Variants in FER observed in about 807,000 individuals in gnomAD.
FER encodes tyrosine-protein kinase Fer.
FER carries 63 observed loss-of-function variants against 111.0 expected under a neutral mutation model. The observed-to-expected ratio is 0.57, with a 90% confidence interval of 0.46 to 0.70. FER has a LOEUF of 0.70. Ranked by LOEUF, FER falls within the 30% of genes least tolerant of loss-of-function variation. The pLI is 0.00. For missense variants in FER, 914 were observed against 954.0 expected (o/e 0.96, Z 0.55); for synonymous variants, 327 against 313.9 (o/e 1.04, Z -0.44).
chr5:109,035,429 G>C (rs1770241921), intron 13 of FER, among the ~76,000 whole-genome samples: 1 of 152,154 alleles, frequency 6.6e-6, no homozygotes, highest in Non-Finnish European at 1.5e-5. Context: ...TATTAACTCA[G>C]CAAAGTGATT....
rs554405414 is a variant in FER at position 109,081,696 on chromosome 5, A to G, written c.1925-18700A>G. On this transcript the variant is annotated intron_variant, in intron 16 of 19. Transcript: ENST00000281092. ...TAGCACAGACATTTCAGCAACAGGAAAATACAAATAAAAGAGAAATGTAAG... is the reference window on the plus strand; with the variant it reads ...TAGCACAGACATTTCAGCAACAGGAGAATACAAATAAAAGAGAAATGTAAG... Among the ~76,000 whole-genome samples, 154 of 152,140 alleles carry G rather than the reference A, an allele frequency of 1.0e-3. 1 individual carries two copies. The highest frequency in any genetic ancestry group is 3.4e-3 in the African/African-American group (143 of 41,544).
At chr5:108,765,560 C>T (rs1752228529) in intron 1 of FER, among the ~76,000 whole-genome samples, 1 of 152,108 alleles carries the variant, frequency 6.6e-6, no homozygotes, top group African/African-American at 2.4e-5. Context: ...GCTAGGACTA[C>T]AGTGGGCTAG....
chr5:108,786,958 TG>T, intron 2 of FER, among the ~76,000 whole-genome samples: 1 of 152,304 alleles, frequency 6.6e-6, no homozygotes, highest in East Asian at 1.9e-4. Flanking sequence ...GCAGCTGCTG[TG>T]GAGACGCCAG....
chr5:108,930,907 C>T (rs1754577505), intron 10 of FER, among the ~76,000 whole-genome samples: 1 of 151,968 alleles, frequency 6.6e-6, no homozygotes. Context: ...AGCCAACGCC[C>T]CTGGCCCAAC....
intron 10 of FER, among the ~76,000 whole-genome samples, chr5:108,912,127 C>T (rs958591154): frequency 6.6e-6 from 1 of 152,174 alleles, no homozygotes; most frequent in African/African-American, 2.4e-5. Flanking sequence ...GAGGCCTCCT[C>T]AGCCACTTGG....
intron 5 of FER, among the ~76,000 whole-genome samples, chr5:108,859,968 G>A (rs1763355656): frequency 8.0e-6 from 1 of 125,328 alleles, no homozygotes; most frequent in South Asian, 2.7e-4. Context: ...TTGAGATGGA[G>A]TCTCTCTCTG....
intron 17 of FER, among the ~76,000 whole-genome samples, chr5:109,172,254 A>T (rs1223726702): frequency 6.6e-6 from 1 of 151,900 alleles, no homozygotes; most frequent in African/African-American, 2.4e-5. Flanking sequence ...ACAATGATAG[A>T]CTGGATTAAG....
At chr5:109,005,814 G>C (rs913069620) in intron 13 of FER, among the ~76,000 whole-genome samples, 1 of 152,108 alleles carries the variant, frequency 6.6e-6, no homozygotes, top group African/African-American at 2.4e-5. Context: ...CTCTTGTACA[G>C]TGCTTCACAC....
intron 17 of FER, among the ~76,000 whole-genome samples, chr5:109,152,076 G>T (rs1426982038): frequency 6.6e-6 from 1 of 151,918 alleles, no homozygotes; most frequent in Non-Finnish European, 1.5e-5. Flanking sequence ...TTTAATTCCA[G>T]GAAAAATTTG....
At chr5:108,771,511 A>G (rs999136562) in intron 2 of FER, among the ~76,000 whole-genome samples, 2 of 152,130 alleles carry the variant, frequency 1.3e-5, no homozygotes, top group Admixed American at 6.6e-5. Context: ...GCCCAAGATC[A>G]TGTAGCTGGC....
In FER at chr5:108,772,316, G is replaced by GTATATATATATATATATACACATATA. The variant is rs1381336042; in HGVS notation, c.-60+4081_-60+4082insATATATATATATATACACATATATAT. Among the ~76,000 whole-genome samples, 15 of 140,444 alleles carry GTATATATATATATATATACACATATA rather than the reference G, an allele frequency of 1.1e-4. 1 individual carries two copies. In the South Asian group the frequency reaches 2.9e-3, roughly 27 times the overall value. 92.1% of individuals were successfully genotyped at this position (140,444 alleles called of 152,430 possible). A position where few individuals can be genotyped will look rare whatever the true frequency, so the allele number is the denominator to read the frequency against. ...CTCCCCTGTTATGCCATATATATAT[G>GTATATATATATATATATACACATATA]TATGTATATATATATACACATATAT... is the stretch of plus-strand genomic sequence containing the variant. On this transcript the variant is annotated intron_variant, in intron 2 of 19. Coordinates refer to ENST00000281092, the MANE Select transcript of FER (RefSeq NM_005246.4).
Position 109,098,060 on chromosome 5 carries a change from A to C in FER, c.1925-2336A>C, listed in dbSNP as rs117220926. 5.9e-3 allele frequency among the ~76,000 whole-genome samples: 892 copies of C among 151,942 alleles called. 24 individuals carry two copies. In the East Asian group the frequency reaches 0.071, roughly 12 times the overall value. ...TGTTCTAAGGCAGAAATATTGTTGG[A>C]TTAACTACAGAACAATCAGAAACCC... On this transcript the variant is annotated intron_variant, in intron 16 of 19. Transcript: ENST00000281092.
chr5:108,922,496 ATTC>A (rs1753154347), intron 10 of FER, among the ~76,000 whole-genome samples: 1 of 152,154 alleles, frequency 6.6e-6, no homozygotes, highest in Non-Finnish European at 1.5e-5. Context: ...AAGATTTTAT[ATTC>A]TTTGACTGTA....
chr5:109,060,613 G>A (rs1774269551), intron 16 of FER, among the ~76,000 whole-genome samples: 2 of 152,046 alleles, frequency 1.3e-5, no homozygotes, highest in Non-Finnish European at 2.9e-5. Flanking sequence ...GAACCCGGGA[G>A]GCGGAGGTTG....
intron 13 of FER, among the ~76,000 whole-genome samples, chr5:108,973,800 A>C (rs1170639472): frequency 6.6e-6 from 1 of 152,156 alleles, no homozygotes; most frequent in Non-Finnish European, 1.5e-5. Context: ...ACTACTTTCT[A>C]GTAATGCTGT....
At position 109,010,748 on chromosome 5, in the gene FER, G is replaced by A. The variant is rs140843851; in HGVS notation, c.1657-26674G>A. 2.6e-5 allele frequency among the ~76,000 whole-genome samples: 4 copies of A among 152,056 alleles called. No individual in the cohort carries two copies. In the East Asian group the frequency reaches 7.7e-4, roughly 29 times the overall value. On this transcript the variant is annotated intron_variant, in intron 13 of 19. Transcript: ENST00000281092. ...CATATTCAGTTGCTGATAAAGTCCT[G>A]CTGACTATAAATTTGGAACATCTGC...
intron 16 of FER, among the ~76,000 whole-genome samples, chr5:109,064,287 TG>T (rs1192623490): frequency 6.6e-6 from 1 of 152,182 alleles, no homozygotes; most frequent in Non-Finnish European, 1.5e-5. Context: ...TTTTTCCTAA[TG>T]TTTTTTAGAT....
intron 13 of FER, among the ~76,000 whole-genome samples, chr5:108,992,612 C>T (rs571753134): frequency 3.1e-3 from 454 of 146,610 alleles, no homozygotes; most frequent in Non-Finnish European, 5.0e-3. Context: ...CCAGATGGGG[C>T]GGCTGGCCGG....
At chr5:109,116,085 T>A (rs1465505535) in intron 17 of FER, among the ~76,000 whole-genome samples, 1 of 152,088 alleles carries the variant, frequency 6.6e-6, no homozygotes, top group Non-Finnish European at 1.5e-5. Flanking sequence ...TTCAACAGAT[T>A]GGATACATGA....
Sources: gnomAD v4.1 joint callset for allele counts (sites outside exome capture counted in the v4.1 genomes callset) on GRCh38, gnomAD v4.1.1 for gene constraint, MANE v1.5 for transcripts, NCBI Gene and HGNC (gene_info 2026-07-23, HGNC 2026-07-21) for gene names.